Variants in TMEM63C observed in about 807,000 individuals in gnomAD.
TMEM63C encodes osmosensitive cation channel TMEM63C.
TMEM63C carries 32 observed loss-of-function variants against 99.2 expected under a neutral mutation model. That is an observed-to-expected ratio of 0.32 (90% confidence interval 0.24 to 0.43). TMEM63C has a LOEUF of 0.43. Ranked by LOEUF, TMEM63C falls within the 20% of genes least tolerant of loss-of-function variation. The pLI, the probability that TMEM63C is intolerant of heterozygous loss-of-function variation, is 1.00. For synonymous variants in TMEM63C, 376 were observed against 397.9 expected (o/e 0.94, Z 0.66); for missense variants, 826 against 1,053.0 (o/e 0.78, Z 2.98).
intron 9 of TMEM63C, 60 bp from the exon 10 acceptor site, chr14:77,238,634 G>A: frequency 7.2e-7 from 1 of 1,389,262 alleles, no homozygotes; most frequent in South Asian, 1.2e-5. Flanking sequence ...AAAGACTGAG[G>A]TGTCTGGAAT....
At chr14:77,244,146 T>C (rs1303704404) in intron 15 of TMEM63C, among the ~76,000 whole-genome samples, 4 of 152,124 alleles carry the variant, frequency 2.6e-5, no homozygotes, top group Admixed American at 2.6e-4. Context: ...GACCTCAGCA[T>C]AGAAGGCCTA....
rs375841830 is a variant in TMEM63C at position 77,194,551 on chromosome 14, TTCTC to T, written c.-77+12659_-77+12662del. Among the ~76,000 whole-genome samples the T allele has an allele frequency of 7.3e-3, 73 of 9,986 alleles. 2 individuals carry two copies. Among genetic ancestry groups the T allele is most frequent in the African/African-American group, 0.048 (64 of 1,320 alleles). 6.6% of individuals were successfully genotyped at this position (9,986 alleles called of 152,430 possible). On this transcript the variant is annotated intron_variant, in intron 1 of 23. Transcript: ENST00000298351. ...TTTCTTTCTTTCTTTCTTTCTTTCT[TTCTC>T]TTTCTTTCTTTCTGTCTTTCTTTCT...
intron 2 of TMEM63C, among the ~76,000 whole-genome samples, chr14:77,215,614 A>AAAAAAAAAAAAAAAGAAAAG (rs772701077): frequency 5.2e-5 from 4 of 76,524 alleles, no homozygotes; most frequent in African/African-American, 1.7e-4. Flanking sequence ...AAAAAAAAAA[A>AAAAAAAAAAAAAAAGAAAAG]AAAAGAAAAG....
In TMEM63C at chr14:77,231,618, C is replaced by T. The variant is rs374794980; in HGVS notation, c.381C>T (p.Asp127=). Residue 127 remains aspartate, a synonymous_variant, in exon 7 of 24, where the codon GAC becomes GAT. Transcript: ENST00000298351. The part of the protein sequence containing the change: ...KDEDLINKCG[D]DARIYIVFQY... ...AGGATCTGATTAACAAGTGTGGGGA[C>T]GACGCGCGCATCTACATCGTGTTCC... 206 of 1,551,572 alleles carry T rather than the reference C, an allele frequency of 1.3e-4. No homozygotes were observed. The African/African-American group carries it at 2.2e-3, about 17-fold the overall frequency.
intron 12 of TMEM63C, 90 bp from the exon 13 acceptor site, chr14:77,240,385 C>A: frequency 6.9e-7 from 1 of 1,456,650 alleles, no homozygotes; most frequent in South Asian, 1.4e-5. Context: ...CCACCACAAT[C>A]CAGGGAGGCT....
chr14:77,225,084 A>T (rs1888793490), intron 5 of TMEM63C, among the ~76,000 whole-genome samples: 1 of 152,180 alleles, frequency 6.6e-6, no homozygotes, highest in African/African-American at 2.4e-5. Context: ...GACCACACGC[A>T]TCCAGTGAAG....
intron 12 of TMEM63C, 122 bp downstream of exon 12, chr14:77,239,848 C>T: frequency 7.4e-7 from 1 of 1,342,360 alleles, no homozygotes; most frequent in Non-Finnish European, 9.9e-7. Context: ...TAGTGCTCCC[C>T]ACCCAGCTCC....
Position 77,248,956 on chromosome 14 carries a change from C to T in TMEM63C, c.1870+84C>T, listed in dbSNP as rs999360318. The stretch of plus-strand genomic sequence containing the variant: ...TGAGCCTCACAACATCAGTCCACCT[C>T]CTGGAGCATGGGGAGACCTGTGGTA... On this transcript the variant is annotated intron_variant, in intron 20 of 23. Transcript: ENST00000298351. 2.3e-6 allele frequency: 3 copies of T among 1,300,972 alleles called. No homozygotes were observed. The African/African-American group carries it at 4.3e-5, about 19-fold the overall frequency. The allele number at this position is 1,300,972 out of a possible 1,614,324, so 80.6% of individuals were successfully genotyped here.
At chr14:77,233,592 T>C (rs1401393234) in intron 8 of TMEM63C, 92 bp downstream of exon 8, 1 of 1,358,082 alleles carries the variant, frequency 7.4e-7, no homozygotes, top group African/African-American at 1.4e-5. Context: ...ATGGGCAGCG[T>C]TTTGCTGATA....
chr14:77,244,305 T>A (rs1889232512), intron 15 of TMEM63C, 44 bp from the exon 16 acceptor site: 2 of 1,420,720 alleles, frequency 1.4e-6, no homozygotes, highest in Non-Finnish European at 2.0e-6. Context: ...AAGAGGATGC[T>A]TGCATTGACG....
At chr14:77,251,355 T>C (rs1889356186) in intron 21 of TMEM63C, among the ~76,000 whole-genome samples, 1 of 152,194 alleles carries the variant, frequency 6.6e-6, no homozygotes. Flanking sequence ...GTAGGTGACT[T>C]TTACCTTCTA....
intron 1 of TMEM63C, among the ~76,000 whole-genome samples, chr14:77,187,883 C>A (rs1888030771): frequency 6.6e-6 from 1 of 152,256 alleles, no homozygotes; most frequent in South Asian, 2.1e-4. Flanking sequence ...CCCAACCCAT[C>A]TTCTCCAGTG....
chr14:77,191,341 G>A (rs1287505514), intron 1 of TMEM63C, among the ~76,000 whole-genome samples: 2 of 152,098 alleles, frequency 1.3e-5, no homozygotes, highest in African/African-American at 2.4e-5. Context: ...GTTCCTCTGT[G>A]TGGCCACTGT....
At chr14:77,218,733 C>T (rs535733217) in intron 2 of TMEM63C, 68 bp from the exon 3 acceptor site, 578 of 1,532,828 alleles carry the variant, frequency 3.8e-4, no homozygotes, top group Non-Finnish European at 4.7e-4. Flanking sequence ...AACTCCCCAT[C>T]GGGCTTCTGT....
intron 1 of TMEM63C, among the ~76,000 whole-genome samples, chr14:77,192,382 G>A (rs568337559): frequency 3.3e-5 from 5 of 152,196 alleles, no homozygotes; most frequent in Middle Eastern, 3.4e-3. Context: ...TTTGAACCAA[G>A]CACTTCACTC....
intron 13 of TMEM63C, 40 bp downstream of exon 13, chr14:77,240,648 C>T (rs1889151912): frequency 6.3e-7 from 1 of 1,595,192 alleles, no homozygotes. Flanking sequence ...CCCAAGCATA[C>T]TCCTGCTTCT....
intron 23 of TMEM63C, 63 bp downstream of exon 23, chr14:77,253,439 T>C (rs1477858384): frequency 6.7e-7 from 1 of 1,486,468 alleles, no homozygotes. Flanking sequence ...TCTACTCTAG[T>C]GGCATTGTGG....
chr14:77,252,401 T>G (rs889583960), intron 22 of TMEM63C, among the ~76,000 whole-genome samples: 25 of 152,190 alleles, frequency 1.6e-4, no homozygotes, highest in Non-Finnish European at 3.2e-4. Context: ...TTGTTGGCAG[T>G]GGGCCCAGCC....
At chr14:77,248,561 G>A in intron 19 of TMEM63C, 52 bp downstream of exon 19, 1 of 1,554,184 alleles carries the variant, frequency 6.4e-7, no homozygotes, top group Non-Finnish European at 8.7e-7. Flanking sequence ...TTGGGAGGGT[G>A]TCAGGGATAG....
Sources: allele counts gnomAD v4.1 joint callset (sites outside exome capture counted in the v4.1 genomes callset), GRCh38; gene constraint gnomAD v4.1.1; transcripts MANE v1.5; gene names NCBI Gene and HGNC (gene_info 2026-07-23, HGNC 2026-07-21).